CCNY: variants seen among roughly 807,000 people sequenced by gnomAD.
CCNY encodes the protein cyclin-Y.
CCNY carries 19 observed loss-of-function variants against 42.8 expected under a neutral mutation model. The observed-to-expected ratio is 0.44, with a 90% CI of 0.31 to 0.65. CCNY has a LOEUF of 0.65. Among genes scored for constraint, CCNY ranks in the 30% least tolerant of loss-of-function variants. CCNY has a pLI of 0.07. For synonymous variants in CCNY, 165 were observed against 162.7 expected (o/e 1.01, Z -0.11); for missense variants, 370 against 437.3 (o/e 0.85, Z 1.37).
At chr10:35,345,307 G>A (rs1285446816) in intron 1 of CCNY, among the ~76,000 whole-genome samples, 2 of 151,960 alleles carry the variant, frequency 1.3e-5, no homozygotes, top group African/African-American at 2.4e-5. Flanking sequence ...GTTTTGATTT[G>A]CATTTTAAAA....
intron 1 of CCNY, among the ~76,000 whole-genome samples, chr10:35,477,583 A>G (rs1432417099): frequency 6.6e-6 from 1 of 152,044 alleles, no homozygotes; most frequent in Non-Finnish European, 1.5e-5. Context: ...GACAAAATTC[A>G]ACAACCCTTC....
At chr10:35,435,710 A>G (rs1294681995) in intron 1 of CCNY, among the ~76,000 whole-genome samples, 2 of 152,270 alleles carry the variant, frequency 1.3e-5, no homozygotes, top group East Asian at 3.9e-4. Flanking sequence ...AGCTGTTGGT[A>G]CAATCAGAAG....
intron 1 of CCNY, among the ~76,000 whole-genome samples, chr10:35,428,982 T>C (rs1189454355): frequency 6.6e-6 from 1 of 152,200 alleles, no homozygotes; most frequent in Non-Finnish European, 1.5e-5. Flanking sequence ...ACAAGCACAT[T>C]ATATTTAGTT....
chr10:35,254,916 G>C (rs559921548), intron 3 of CCNY, among the ~76,000 whole-genome samples: 1 of 150,120 alleles, frequency 6.7e-6, no homozygotes, highest in African/African-American at 2.5e-5. Context: ...TTTTATTTCT[G>C]TAATTGATTC....
At chr10:35,528,843 T>C (rs967698054) in intron 5 of CCNY, among the ~76,000 whole-genome samples, 2 of 152,226 alleles carry the variant, frequency 1.3e-5, no homozygotes, top group Non-Finnish European at 2.9e-5. Flanking sequence ...GAAATTGTAA[T>C]GTTTGTCATG....
At chr10:35,269,069 A>G (rs2095728474) in intron 3 of CCNY, among the ~76,000 whole-genome samples, 1 of 152,184 alleles carries the variant, frequency 6.6e-6, no homozygotes, top group African/African-American at 2.4e-5. Context: ...CCACACCCTC[A>G]GTTTTCTATC....
intron 1 of CCNY, among the ~76,000 whole-genome samples, chr10:35,397,316 A>G (rs112541934): frequency 0.01 from 1,585 of 152,288 alleles, 24 homozygotes; most frequent in African/African-American, 0.036. Context: ...TTAGCACAGT[A>G]CCTGTAATCC....
At chr10:35,533,943 A>G (rs946490895) in intron 7 of CCNY, among the ~76,000 whole-genome samples, 2 of 152,188 alleles carry the variant, frequency 1.3e-5, no homozygotes, top group Non-Finnish European at 2.9e-5. Flanking sequence ...CCTGAAACAT[A>G]AGGATCATTT....
intron 1 of CCNY, among the ~76,000 whole-genome samples, chr10:35,357,867 T>C (rs1244935478): frequency 6.6e-6 from 1 of 152,196 alleles, no homozygotes; most frequent in Non-Finnish European, 1.5e-5. Context: ...TTCTCATCAT[T>C]TATATATTGA....
chr10:35,256,904 G>A (rs577222477), intron 3 of CCNY, among the ~76,000 whole-genome samples: 1 of 151,904 alleles, frequency 6.6e-6, no homozygotes, highest in South Asian at 2.1e-4. Flanking sequence ...ACAAAATGTG[G>A]AATTACAACT....
At chr10:35,497,209 C>G (rs1050822496) in intron 2 of CCNY, among the ~76,000 whole-genome samples, 5 of 152,134 alleles carry the variant, frequency 3.3e-5, no homozygotes, top group African/African-American at 1.2e-4. Flanking sequence ...CAGAAAACTC[C>G]AGAGATTTTG....
intron 1 of CCNY, among the ~76,000 whole-genome samples, chr10:35,349,685 T>C (rs1836386353): frequency 6.6e-6 from 1 of 152,228 alleles, no homozygotes; most frequent in Non-Finnish European, 1.5e-5. Context: ...CCCAGCACTG[T>C]TGACATTAGG....
intron 7 of CCNY, among the ~76,000 whole-genome samples, chr10:35,531,469 T>C (rs1363909918): frequency 6.6e-6 from 1 of 152,232 alleles, no homozygotes; most frequent in African/African-American, 2.4e-5. Flanking sequence ...AATCAAGTAA[T>C]CATTAGATGA....
chr10:35,462,581 A>AAGGACCTCTCTGCC (rs1256048730), intron 1 of CCNY, among the ~76,000 whole-genome samples: 22 of 152,354 alleles, frequency 1.4e-4, no homozygotes, highest in African/African-American at 5.3e-4. Context: ...CACAGAGGGC[A>AAGGACCTCTCTGCC]AGGACCTCTC....
intron 7 of CCNY, among the ~76,000 whole-genome samples, chr10:35,538,144 G>A (rs1033850519): frequency 7.9e-5 from 12 of 152,214 alleles, no homozygotes; most frequent in African/African-American, 2.2e-4. Context: ...CATGTAAGAC[G>A]TGACCTGCTC....
chr10:35,284,442 T>C (rs1253676087), intron 3 of CCNY, among the ~76,000 whole-genome samples: 1 of 152,334 alleles, frequency 6.6e-6, no homozygotes, highest in East Asian at 1.9e-4. Context: ...TTCCTTATAG[T>C]GCCTTTTAAT....
chr10:35,401,685 C>T (rs1050847087), intron 1 of CCNY, among the ~76,000 whole-genome samples: 1 of 151,794 alleles, frequency 6.6e-6, no homozygotes. Context: ...TGGGTGCAGG[C>T]GGGCTGAGTC....
intron 3 of CCNY, among the ~76,000 whole-genome samples, chr10:35,502,738 A>C (rs1333884020): frequency 6.6e-6 from 1 of 151,968 alleles, no homozygotes; most frequent in East Asian, 1.9e-4. Flanking sequence ...AAAATATGAA[A>C]ATTGCCATGC....
At chr10:35,373,824 G>A (rs1836991938) in intron 1 of CCNY, among the ~76,000 whole-genome samples, 1 of 152,170 alleles carries the variant, frequency 6.6e-6, no homozygotes, top group South Asian at 2.1e-4. Context: ...GAGGCTATTA[G>A]TTAAGTTTTT....
Sources: gnomAD v4.1 joint callset for allele counts (sites outside exome capture counted in the v4.1 genomes callset) on GRCh38, gnomAD v4.1.1 for gene constraint, MANE v1.5 for transcripts, NCBI Gene and HGNC (gene_info 2026-07-23, HGNC 2026-07-21) for gene names.